CNTNAP2: variants seen among roughly 807,000 people sequenced by gnomAD.
CNTNAP2 encodes the protein contactin-associated protein-like 2.
In CNTNAP2, 98 loss-of-function variants were observed where a neutral mutation model predicts 155.2. The ratio of observed to expected loss-of-function variants is 0.63; its 90% CI spans 0.54 to 0.75. CNTNAP2 has a LOEUF of 0.75. Among genes scored for constraint, CNTNAP2 ranks in the 30% least tolerant of loss-of-function variants. The probability of loss-of-function intolerance (pLI) is 0.00; values close to 1 mark genes in which losing one functional copy is unlikely to be tolerated. For missense variants in CNTNAP2, 1,727 were observed against 1,688.1 expected, an observed-to-expected ratio of 1.02 and a Z score of -0.40; for synonymous variants, 651 against 631.2, an observed-to-expected ratio of 1.03 and a Z score of -0.47.
At position 146,668,435 on chromosome 7, in the gene CNTNAP2, T is replaced by TGTGTGTGG. The variant is rs1554465243; in HGVS notation, c.98-105829_98-105828insGGTGTGTG. ...TATTGGCCTGTAATTTTCCTGTGTG[T>TGTGTGTGG]GTGTGTGTGTGTGTGTGTGTGTGTG... is the stretch of plus-strand genomic sequence containing the variant. On this transcript the variant is annotated intron_variant, in intron 1 of 23. Coordinates refer to ENST00000361727, the MANE Select transcript of CNTNAP2 (RefSeq NM_014141.6). 6.6e-4 allele frequency among the ~76,000 whole-genome samples: 57 copies of TGTGTGTGG among 86,456 alleles called. No homozygotes were observed. In the South Asian group the frequency reaches 9.5e-3, roughly 14 times the overall value. 56.7% of individuals were successfully genotyped at this position (86,456 alleles called of 152,430 possible). A position where few individuals can be genotyped will look rare whatever the true frequency, so the allele number is the denominator to read the frequency against.
At chr7:148,020,149 C>G (rs1802255434) in intron 15 of CNTNAP2, among the ~76,000 whole-genome samples, 1 of 152,178 alleles carries the variant, frequency 6.6e-6, no homozygotes, top group Middle Eastern at 3.2e-3. Context: ...CTTTAGTTGC[C>G]ATGTAATTGA....
chr7:147,174,792 T>G (rs1802302747), intron 8 of CNTNAP2, among the ~76,000 whole-genome samples: 2 of 152,118 alleles, frequency 1.3e-5, no homozygotes, highest in South Asian at 4.1e-4. Flanking sequence ...TTATTCATGA[T>G]GGAAATAAAA....
chr7:147,105,776 G>C (rs1800752874), intron 4 of CNTNAP2, among the ~76,000 whole-genome samples: 1 of 152,024 alleles, frequency 6.6e-6, no homozygotes, highest in Non-Finnish European at 1.5e-5. Context: ...AGATAGGTGG[G>C]AAAATATGTT....
At chr7:147,525,959 GAGGC>G (rs1799310652) in intron 11 of CNTNAP2, among the ~76,000 whole-genome samples, 1 of 152,048 alleles carries the variant, frequency 6.6e-6, no homozygotes, top group African/African-American at 2.4e-5. Flanking sequence ...TCGGAAGGTT[GAGGC>G]AGGCAGATCA....
At chr7:147,167,215 G>T (rs1041389768) in intron 8 of CNTNAP2, 2 of 330,430 alleles carry the variant, frequency 6.1e-6, no homozygotes, top group African/African-American at 2.2e-5. Context: ...TCTTTGCCAG[G>T]ATTCCCAGAA....
intron 13 of CNTNAP2, among the ~76,000 whole-genome samples, chr7:147,787,246 C>T (rs1240841726): frequency 6.6e-6 from 1 of 152,174 alleles, no homozygotes; most frequent in African/African-American, 2.4e-5. Flanking sequence ...GCATCCCACT[C>T]AGCTGGGGTG....
rs541939513 is a variant in CNTNAP2 at position 148,343,075 on chromosome 7, T to C, written c.3476-40574T>C. ...ACAGCACTCCCTGCTTGAGAACCTG[T>C]AGGGACTTAACCGCTGGGTTTATCC... On this transcript the variant is annotated intron_variant, in intron 21 of 23. Transcript: ENST00000361727. Among the ~76,000 whole-genome samples, 354 of 152,352 alleles carry C rather than the reference T, an allele frequency of 2.3e-3. 7 individuals are homozygous for C. The highest frequency in any genetic ancestry group is 1.0e-3 in the Non-Finnish European group (69 of 68,036).
chr7:146,724,128 T>A (rs556639820), intron 1 of CNTNAP2, among the ~76,000 whole-genome samples: 1 of 152,278 alleles, frequency 6.6e-6, no homozygotes, highest in African/African-American at 2.4e-5. Context: ...AACTGAAGAA[T>A]CAACACTTGG....
chr7:147,822,045 G>A (rs1237182784), intron 13 of CNTNAP2, among the ~76,000 whole-genome samples: 4 of 152,126 alleles, frequency 2.6e-5, no homozygotes, highest in African/African-American at 9.6e-5. Flanking sequence ...TCCCCCAAAT[G>A]TTCCAACTGA....
chr7:146,845,653 A>T (rs1450916928), intron 3 of CNTNAP2, among the ~76,000 whole-genome samples: 1 of 152,118 alleles, frequency 6.6e-6, no homozygotes, highest in East Asian at 1.9e-4. Flanking sequence ...TTTTACTCTT[A>T]TTCATGATTG....
rs545419016 is a variant in CNTNAP2 at position 147,866,967 on chromosome 7, A to G, written c.2099-36598A>G. Among the ~76,000 whole-genome samples the G allele has an allele frequency of 6.6e-5, 10 of 152,282 alleles. No individual in the cohort carries two copies. In the South Asian group the frequency reaches 1.9e-3, roughly 28 times the overall value. ...ATTTACATTTAAGGTTAATATTGTT[A>G]TGTGTGAATTTGACCCTCTCATTAT... On this transcript the variant is annotated intron_variant, in intron 13 of 23. Transcript: ENST00000361727.
intron 13 of CNTNAP2, among the ~76,000 whole-genome samples, chr7:147,640,599 G>C (rs989594655): frequency 6.6e-6 from 1 of 152,160 alleles, no homozygotes; most frequent in Admixed American, 6.6e-5. Flanking sequence ...AGTTTACAGA[G>C]AAGAGTTATA....
At chr7:147,142,366 T>C (rs1317682093) in intron 8 of CNTNAP2, among the ~76,000 whole-genome samples, 1 of 152,196 alleles carries the variant, frequency 6.6e-6, no homozygotes, top group Non-Finnish European at 1.5e-5. Flanking sequence ...GTTTATATGC[T>C]GGATTATGTT....
At chr7:146,808,128 C>T (rs1803001203) in intron 2 of CNTNAP2, among the ~76,000 whole-genome samples, 1 of 152,132 alleles carries the variant, frequency 6.6e-6, no homozygotes, top group African/African-American at 2.4e-5. Flanking sequence ...AAGTTTCTTG[C>T]CATCTCTCAA....
intron 1 of CNTNAP2, among the ~76,000 whole-genome samples, chr7:146,496,527 T>C (rs1227926402): frequency 6.6e-6 from 1 of 152,190 alleles, no homozygotes; most frequent in East Asian, 1.9e-4. Flanking sequence ...ACAAATTAAT[T>C]CTGCCAGTCA....
At chr7:148,404,318 A>G (rs1799651660) in intron 22 of CNTNAP2, among the ~76,000 whole-genome samples, 1 of 152,270 alleles carries the variant, frequency 6.6e-6, no homozygotes, top group South Asian at 2.1e-4. Flanking sequence ...AAAGGGACAC[A>G]CAGTCTGAGG....
intron 12 of CNTNAP2, among the ~76,000 whole-genome samples, chr7:147,587,720 A>G (rs542824173): frequency 6.6e-6 from 1 of 152,284 alleles, no homozygotes; most frequent in African/African-American, 2.4e-5. Context: ...ATTCTTTTAA[A>G]GGCAAATAAG....
chr7:146,436,421 C>A (rs912454549), intron 1 of CNTNAP2, among the ~76,000 whole-genome samples: 1 of 152,088 alleles, frequency 6.6e-6, no homozygotes, highest in Non-Finnish European at 1.5e-5. Context: ...TAGAAAACAA[C>A]ATGTGACAAT....
intron 1 of CNTNAP2, among the ~76,000 whole-genome samples, chr7:146,261,591 C>G (rs1018058449): frequency 6.6e-6 from 1 of 152,022 alleles, no homozygotes; most frequent in East Asian, 1.9e-4. Flanking sequence ...AAACTAGCTA[C>G]TACATCACTC....
Sources: gnomAD v4.1 joint callset for allele counts (sites outside exome capture counted in the v4.1 genomes callset) on GRCh38, gnomAD v4.1.1 for gene constraint, MANE v1.5 for transcripts, NCBI Gene and HGNC (gene_info 2026-07-23, HGNC 2026-07-21) for gene names.